The following MME variants were observed in gnomAD, a reference collection of about 807,000 sequenced individuals.
MME encodes membrane metalloendopeptidase.
Under a neutral mutation model 113.2 loss-of-function variants are expected in MME, and 98 were observed. The observed-to-expected ratio is 0.87, with a 90% CI of 0.74 to 1.02. The LOEUF is 1.02. Among genes scored for constraint, MME ranks in the 50% least tolerant of loss-of-function variants. MME has a pLI of 0.00. For synonymous variants in MME, 292 were observed against 300.6 expected (o/e 0.97, Z 0.30); for missense variants, 836 against 896.0 (o/e 0.93, Z 0.86).
At chr3:155,109,429 G>A (rs1156379987) in intron 3 of MME, among the ~76,000 whole-genome samples, 1 of 152,158 alleles carries the variant, frequency 6.6e-6, no homozygotes, top group Non-Finnish European at 1.5e-5. Flanking sequence ...TTATGCATGA[G>A]ACACATGTGA....
At chr3:155,081,836 A>G (rs1401193883) in intron 1 of MME, 2 of 152,204 alleles carry the variant, frequency 1.3e-5, no homozygotes, top group African/African-American at 2.4e-5. Context: ...AACTTGCATC[A>G]TTTCTGCTTT....
chr3:155,102,492 G>A (rs111375822), intron 3 of MME, among the ~76,000 whole-genome samples: 5 of 152,232 alleles, frequency 3.3e-5, no homozygotes, highest in African/African-American at 1.2e-4. Context: ...TAACCACATG[G>A]TCATCCATTT....
At chr3:155,157,111 C>T (rs749964716) in intron 16 of MME, among the ~76,000 whole-genome samples, 10 of 152,126 alleles carry the variant, frequency 6.6e-5, no homozygotes, top group Non-Finnish European at 1.2e-4. Flanking sequence ...GTTAGCTCAG[C>T]TTTGAGGGCC....
chr3:155,070,664 G>T (rs1714520789), intron 1 of MME, among the ~76,000 whole-genome samples: 1 of 152,134 alleles, frequency 6.6e-6, no homozygotes, highest in South Asian at 2.1e-4. Flanking sequence ...ACTTTTCCTG[G>T]AAGCATTAAG....
rs73012372 is a variant in MME, at chr3:155,176,309, A to G, written c.2153+3697A>G. On this transcript the variant is annotated intron_variant, in intron 22 of 22. Transcript: ENST00000360490. ...TGCCAAGGGAATAAACATCAGCAGT[A>G]CAATAAGTTATTTTACATAATAAAG... Among the ~76,000 whole-genome samples the G allele has an allele frequency of 2.6e-3, 398 of 152,320 alleles. 4 individuals are homozygous for G. Among genetic ancestry groups the G allele is most frequent in the African/African-American group, 8.7e-3 (363 of 41,588 alleles).
intron 3 of MME, among the ~76,000 whole-genome samples, chr3:155,109,483 T>A (rs1358063400): frequency 6.6e-6 from 1 of 152,180 alleles, no homozygotes; most frequent in African/African-American, 2.4e-5. Context: ...GGGACTGAAG[T>A]CACTGCAAAA....
intron 8 of MME, among the ~76,000 whole-genome samples, chr3:155,126,708 G>A (rs1024045558): frequency 6.6e-6 from 1 of 151,966 alleles, no homozygotes; most frequent in African/African-American, 2.4e-5. Context: ...TTTTAGAAAG[G>A]GCATTTATTG....
At chr3:155,075,237 A>G (rs1714707026), upstream of MME, among the ~76,000 whole-genome samples, 1 of 151,774 alleles carries the variant, frequency 6.6e-6, no homozygotes, top group Admixed American at 6.6e-5. Context: ...CAACTTTACT[A>G]TACCAGCAAT....
intron 1 of MME, among the ~76,000 whole-genome samples, chr3:155,056,953 G>A (rs1413202621): frequency 3.9e-5 from 6 of 152,086 alleles, no homozygotes; most frequent in African/African-American, 1.2e-4. Flanking sequence ...ATTCAAGTTG[G>A]ATTAAAGACT....
intron 9 of MME, among the ~76,000 whole-genome samples, chr3:155,139,460 C>G (rs1476176322): frequency 1.3e-5 from 2 of 152,206 alleles, no homozygotes; most frequent in Non-Finnish European, 2.9e-5. Context: ...AAAGGGGAAA[C>G]TGGAGCCATT....
At chr3:155,105,048 C>A (rs1456631011) in intron 3 of MME, among the ~76,000 whole-genome samples, 1 of 152,086 alleles carries the variant, frequency 6.6e-6, no homozygotes, top group East Asian at 1.9e-4. Context: ...GTTGCGAATT[C>A]TGGAGGAATC....
At position 155,148,647 on chromosome 3, in the gene MME, A is replaced by G. The variant is rs200948863; in HGVS notation, c.1595A>G (p.Lys532Arg). The G allele has an allele frequency of 2.5e-6, 4 of 1,608,080 alleles. No individual in the cohort carries two copies. The highest frequency in any genetic ancestry group is 3.4e-6 in the Non-Finnish European group (4 of 1,174,874). The change falls in exon 16 of 23, where the codon AAA (lysine) becomes AGA (arginine). Residue 532 changes from lysine to arginine, a missense_variant. Lys to Arg is a conservative substitution (Grantham distance 26). Transcript: ENST00000360490. ...QLKKLREKVD[K>R]DEWISGAAVV... ...AAGAAGCTCCGAGAAAAGGTGGACAAAGATGAGTGCGTATATTCTCATTTC... is the reference window on the plus strand; with the variant it reads ...AAGAAGCTCCGAGAAAAGGTGGACAGAGATGAGTGCGTATATTCTCATTTC...
chr3:155,031,809 C>T (rs1020043127), intron 1 of MME, among the ~76,000 whole-genome samples: 1 of 152,180 alleles, frequency 6.6e-6, no homozygotes, highest in Middle Eastern at 3.2e-3. Flanking sequence ...AGGTGCCCAC[C>T]ACCACACCCG....
intron 22 of MME, among the ~76,000 whole-genome samples, chr3:155,178,911 T>A (rs1165139301): frequency 6.6e-6 from 1 of 152,192 alleles, no homozygotes; most frequent in Non-Finnish European, 1.5e-5. Context: ...AATCCACAGA[T>A]GTGGAACTCA....
At chr3:155,042,973 A>G (rs1210508552) in intron 1 of MME, among the ~76,000 whole-genome samples, 2 of 130,738 alleles carry the variant, frequency 1.5e-5, no homozygotes, top group Admixed American at 8.0e-5. Context: ...ATTTGTAAGT[A>G]TAGAAAAATC....
chr3:155,068,458 G>A (rs531053137), intron 1 of MME, among the ~76,000 whole-genome samples: 3 of 152,198 alleles, frequency 2.0e-5, no homozygotes, highest in East Asian at 1.9e-4. Flanking sequence ...TGTCAATTAC[G>A]CATTAATAAA....
At chr3:155,071,944 G>A (rs985610003) in intron 1 of MME, among the ~76,000 whole-genome samples, 13 of 151,788 alleles carry the variant, frequency 8.6e-5, no homozygotes, top group African/African-American at 2.9e-4. Context: ...GGTGGATCAT[G>A]AGGTCAGGAG....
rs567323695 is a variant in MME, at chr3:155,024,481, G to T, written c.-11+157G>T. Among the ~76,000 whole-genome samples, 71 of 152,226 alleles carry T rather than the reference G, an allele frequency of 4.7e-4. 1 individual carries two copies. Among genetic ancestry groups the T allele is most frequent in the African/African-American group, 1.6e-3 (68 of 41,532 alleles). On this transcript the variant is annotated intron_variant, in intron 1 of 22. Coordinates refer to the MME transcript ENST00000492661. ...CATGCCCCAACTTGATGCTTAATTT[G>T]GTGTATGTATTGATTTATGTTGTTT... is the stretch of plus-strand genomic sequence containing the variant.
intron 1 of MME, among the ~76,000 whole-genome samples, chr3:155,060,955 A>G (rs1308056615): frequency 6.6e-6 from 1 of 151,970 alleles, no homozygotes; most frequent in African/African-American, 2.4e-5. Flanking sequence ...TCACTTAATT[A>G]CCTTCGTAAG....
Sources: allele counts gnomAD v4.1 joint callset (sites outside exome capture counted in the v4.1 genomes callset), GRCh38; gene constraint gnomAD v4.1.1; transcripts MANE v1.5; gene names NCBI Gene and HGNC (gene_info 2026-07-23, HGNC 2026-07-21).